The following COL14A1 variants were observed in gnomAD, a reference collection of about 807,000 sequenced individuals.
The protein encoded by COL14A1 is collagen type XIV alpha 1 chain, also known as collagen alpha-1(XIV) chain.
COL14A1 carries 136 observed loss-of-function variants against 230.3 expected under a neutral mutation model. The ratio of observed to expected loss-of-function variants is 0.59; its 90% CI spans 0.51 to 0.68. COL14A1 has a LOEUF of 0.68. COL14A1 is among the 30% of genes least tolerant of loss of function. The pLI is 0.00. For synonymous variants in COL14A1, 792 were observed against 784.1 expected (o/e 1.01, Z -0.17); for missense variants, 1,976 against 2,215.8 (o/e 0.89, Z 2.17).
At chr8:120,196,258 C>T (rs1217268069) in intron 5 of COL14A1, among the ~76,000 whole-genome samples, 1 of 152,200 alleles carries the variant, frequency 6.6e-6, no homozygotes, top group Admixed American at 6.5e-5. Context: ...TTCCAAAAGC[C>T]CTTCCTACTT....
intron 22 of COL14A1, 151 bp downstream of exon 22, chr8:120,250,917 CCTGCCTCAGCCTCT>C: frequency 1.2e-6 from 1 of 803,480 alleles, no homozygotes; most frequent in Non-Finnish European, 1.9e-6. Flanking sequence ...AAGTGATTCT[CCTGCCTCAGCCTCT>C]CGAGTAGCTG....
At chr8:120,347,254 C>T (rs916210736) in intron 45 of COL14A1, among the ~76,000 whole-genome samples, 14 of 152,130 alleles carry the variant, frequency 9.2e-5, no homozygotes, top group Admixed American at 2.0e-4. Flanking sequence ...GCAGCCCAGA[C>T]GACCTTTGGA....
chr8:120,283,912 T>G (rs1820116325), intron 32 of COL14A1, 134 bp downstream of exon 32: 1 of 608,112 alleles, frequency 1.6e-6, no homozygotes, highest in South Asian at 3.1e-5. Flanking sequence ...AAACAATGAA[T>G]TATATAGCAG....
intron 42 of COL14A1, among the ~76,000 whole-genome samples, chr8:120,338,794 T>G (rs1250803076): frequency 6.6e-6 from 1 of 152,198 alleles, no homozygotes; most frequent in Non-Finnish European, 1.5e-5. Context: ...TTTGCTGATT[T>G]TTTTGTTTTG....
At chr8:120,261,443 G>A (rs1212730106) in intron 23 of COL14A1, among the ~76,000 whole-genome samples, 1 of 152,150 alleles carries the variant, frequency 6.6e-6, no homozygotes, top group African/African-American at 2.4e-5. Flanking sequence ...CTTTATTGCT[G>A]TTGTTATAAT....
chr8:120,315,469 A>G (rs1821189717), intron 38 of COL14A1, 64 bp from the exon 39 acceptor site: 1 of 1,291,388 alleles, frequency 7.7e-7, no homozygotes, highest in African/African-American at 1.5e-5. Flanking sequence ...TAATGAGAGA[A>G]GGAAAAGAAA....
chr8:120,125,244 A>C lies in COL14A1; in HGVS notation c.-134A>C, dbSNP rs1814287140. The C allele has an allele frequency of 6.6e-6, 1 of 152,394 alleles. No individual in the cohort carries two copies. Among genetic ancestry groups the C allele is most frequent in the African/African-American group, 2.4e-5 (1 of 41,476 alleles). The allele number at this position is 152,394 out of a possible 1,614,324, so 9.4% of individuals were successfully genotyped here. On this transcript the variant is annotated 5_prime_UTR_variant, in exon 1 of 48. Coordinates refer to ENST00000297848, the MANE Select transcript of COL14A1 (RefSeq NM_021110.4). The stretch of plus-strand genomic sequence containing the variant: ...AAGGATACTCCGAGGGAAGAGAGCA[A>C]GGGCGGTGCGCCGCCAAGGACCAAC...
At chr8:120,152,938 T>C (rs1402930653) in intron 2 of COL14A1, among the ~76,000 whole-genome samples, 2 of 152,244 alleles carry the variant, frequency 1.3e-5, no homozygotes, top group African/African-American at 4.8e-5. Flanking sequence ...TGTTCACACG[T>C]TGACACATAT....
chr8:120,203,021 T>TATATATATATATATATATATATATA (rs61499035), intron 8 of COL14A1, among the ~76,000 whole-genome samples: 19 of 141,586 alleles, frequency 1.3e-4, no homozygotes, highest in Non-Finnish European at 2.3e-4. Context: ...TATATATATA[T>TATATATATATATATATATATATATA]TTGTTCTAGC....
At position 120,370,627 on chromosome 8, in the gene COL14A1, G is replaced by A. The variant is rs1823553994; in HGVS notation, c.5312-525G>A. 2.1e-6 allele frequency: 3 copies of A among 1,457,444 alleles called. No homozygotes were observed. The Admixed American group carries it at 7.0e-5, about 34-fold the overall frequency. The allele number at this position is 1,457,444 out of a possible 1,614,324, so 90.3% of individuals were successfully genotyped here. On this transcript the variant is annotated intron_variant, in intron 47 of 47. Transcript: ENST00000297848. ...ACACTGACTGCTCCATGTCAGCCTG[G>A]ATAGAGGTATATGATCGTGTGCCAA...
intron 31 of COL14A1, among the ~76,000 whole-genome samples, chr8:120,282,026 T>C (rs1450480041): frequency 6.6e-6 from 1 of 152,238 alleles, no homozygotes; most frequent in Non-Finnish European, 1.5e-5. Context: ...TAGTTACATA[T>C]GTATACATGT....
At chr8:120,294,177 A>G (rs1820454322) in intron 34 of COL14A1, among the ~76,000 whole-genome samples, 1 of 151,816 alleles carries the variant, frequency 6.6e-6, no homozygotes, top group South Asian at 2.1e-4. Context: ...AAATCAGAGA[A>G]TAAAATTTGG....
At chr8:120,310,338 A>G (rs1820997028) in intron 37 of COL14A1, among the ~76,000 whole-genome samples, 1 of 152,158 alleles carries the variant, frequency 6.6e-6, no homozygotes, top group Non-Finnish European at 1.5e-5. Flanking sequence ...GTTCTCTCAG[A>G]AATTGTACAT....
Position 120,262,473 on chromosome 8 carries a change from G to GA in COL14A1, c.2870-387dup, listed in dbSNP as rs200337027. ...GATGACAGAGTGGGACTCCATCTCA[G>GA]AAAAAAAACAAAAACAAAAACAAAA... On this transcript the variant is annotated intron_variant, in intron 23 of 47. Coordinates refer to ENST00000297848, the MANE Select transcript of COL14A1 (RefSeq NM_021110.4). 2.1e-4 allele frequency among the ~76,000 whole-genome samples: 31 copies of GA among 150,540 alleles called. No homozygotes were observed. The East Asian group carries it at 3.3e-3, about 16-fold the overall frequency.
At chr8:120,143,030 G>C (rs1262656692) in intron 1 of COL14A1, among the ~76,000 whole-genome samples, 1 of 152,138 alleles carries the variant, frequency 6.6e-6, no homozygotes, top group Non-Finnish European at 1.5e-5. Context: ...TGCACTTAAA[G>C]CTACTACCTG....
At chr8:120,267,223 T>C (rs1239110004) in intron 25 of COL14A1, among the ~76,000 whole-genome samples, 1 of 151,958 alleles carries the variant, frequency 6.6e-6, no homozygotes, top group Non-Finnish European at 1.5e-5. Context: ...CCAGCCTACC[T>C]CTGAAGTGTC....
chr8:120,366,237 G>A (rs1009815783), intron 45 of COL14A1, among the ~76,000 whole-genome samples: 3 of 152,196 alleles, frequency 2.0e-5, no homozygotes, highest in Admixed American at 2.0e-4. Context: ...TTAAAAAATT[G>A]CAAGGCCTTT....
intron 2 of COL14A1, among the ~76,000 whole-genome samples, chr8:120,148,606 A>C (rs1815174794): frequency 6.6e-6 from 1 of 152,172 alleles, no homozygotes; most frequent in Non-Finnish European, 1.5e-5. Flanking sequence ...TGTGTATCCT[A>C]ATCATGTCTT....
At position 120,371,163 on chromosome 8, in the gene COL14A1, G is replaced by A; in HGVS notation, c.5323G>A (p.Asp1775Asn). ...SAYGVRAPHP[D>N]QPEFTPVQDE... ...CTTTTCCTCTTTAGCTCCCCATCCA[G>A]ATCAGCCAGAGTTCACCCCTGTCCA... Residue 1775 changes from aspartate (D) to asparagine (N), a missense_variant, in exon 48 of 48, where the codon GAT becomes AAT. This residue lies in a region of COL14A1 where 1,791 missense variants were observed against 2,019.5 expected (regional missense o/e 0.89). Coordinates refer to ENST00000297848, the MANE Select transcript of COL14A1 (RefSeq NM_021110.4). 6.2e-7 allele frequency: 1 copy of A among 1,610,034 alleles called. No homozygotes were observed. The highest frequency in any genetic ancestry group is 1.1e-5 in the South Asian group (1 of 90,468).
Sources: gnomAD v4.1 joint callset for allele counts (sites outside exome capture counted in the v4.1 genomes callset) on GRCh38, gnomAD v4.1.1 for gene constraint, gnomAD v4.1.1 regional missense constraint, MANE v1.5 for transcripts, NCBI Gene and HGNC (gene_info 2026-07-23, HGNC 2026-07-21) for gene names.